Variants in UBE3C observed in about 807,000 individuals in gnomAD.
UBE3C encodes ubiquitin-protein ligase E3C.
In UBE3C, 42 loss-of-function variants were observed where a neutral mutation model predicts 129.4. The ratio of observed to expected loss-of-function variants is 0.32; its 90% CI spans 0.25 to 0.42. UBE3C has a LOEUF of 0.42. Ranked by LOEUF, UBE3C falls within the 10% of genes least tolerant of loss-of-function variation. The pLI, the probability that UBE3C is intolerant of heterozygous loss-of-function variation, is 1.00. For synonymous variants in UBE3C, 510 were observed against 492.4 expected (o/e 1.04, Z -0.47); for missense variants, 1,049 against 1,319.1 (o/e 0.80, Z 3.17).
At chr7:157,170,528 A>C (rs1409716319) in intron 4 of UBE3C, 78 bp downstream of exon 4, 2 of 1,386,850 alleles carry the variant, frequency 1.4e-6, no homozygotes, top group Non-Finnish European at 1.9e-6. Flanking sequence ...ATGGCTTCTC[A>C]TCAGAAAGTT....
intron 15 of UBE3C, chr7:157,220,991 C>T (rs935237840): frequency 2.0e-6 from 1 of 499,540 alleles, no homozygotes; most frequent in African/African-American, 1.9e-5. Flanking sequence ...TTTGTCCTGT[C>T]ACTTTGCCTT....
intron 22 of UBE3C, among the ~76,000 whole-genome samples, chr7:157,261,290 G>A (rs963179668): frequency 1.0e-5 from 1 of 97,846 alleles, no homozygotes; most frequent in African/African-American, 3.9e-5. Context: ...TGGGCAACAA[G>A]AGCAAAACTC....
chr7:157,227,851 G>A (rs900581073), intron 17 of UBE3C, among the ~76,000 whole-genome samples: 6 of 152,158 alleles, frequency 3.9e-5, no homozygotes, highest in Admixed American at 1.3e-4. Context: ...GCTAATAATT[G>A]CATTGAAGTT....
intron 18 of UBE3C, among the ~76,000 whole-genome samples, chr7:157,238,736 G>A (rs1247222022): frequency 1.3e-5 from 2 of 152,160 alleles, no homozygotes; most frequent in African/African-American, 2.4e-5. Flanking sequence ...ATCACCCAGG[G>A]TGTAGGTGTC....
chr7:157,259,270 T>C (rs1796835511), intron 22 of UBE3C, among the ~76,000 whole-genome samples: 2 of 152,236 alleles, frequency 1.3e-5, no homozygotes. Context: ...GCGTCCTTCA[T>C]AGAATCTGAT....
At chr7:157,255,051 G>T (rs1242029729) in intron 21 of UBE3C, among the ~76,000 whole-genome samples, 1 of 152,112 alleles carries the variant, frequency 6.6e-6, no homozygotes, top group African/African-American at 2.4e-5. Context: ...GACGGAGGTC[G>T]TGAGATCTCA....
chr7:157,187,725 C>T (rs374306130), intron 10 of UBE3C, among the ~76,000 whole-genome samples: 6 of 151,768 alleles, frequency 4.0e-5, no homozygotes, highest in Non-Finnish European at 8.8e-5. Flanking sequence ...TACAGGCGCC[C>T]GCCACCTCGC....
intron 1 of UBE3C, among the ~76,000 whole-genome samples, chr7:157,141,715 C>T (rs745534245): frequency 3.3e-5 from 5 of 152,316 alleles, no homozygotes; most frequent in East Asian, 1.9e-4. Context: ...GTCCTTCTGA[C>T]CTCCATTACT....
intron 17 of UBE3C, among the ~76,000 whole-genome samples, chr7:157,226,991 T>C (rs1412957685): frequency 1.3e-5 from 2 of 152,228 alleles, no homozygotes; most frequent in Non-Finnish European, 2.9e-5. Flanking sequence ...TCAATTCTAA[T>C]AGTTCTTACA....
chr7:157,181,485 C>A (rs546773477), intron 6 of UBE3C, 33 bp from the exon 7 acceptor site: 191 of 1,537,690 alleles, frequency 1.2e-4, no homozygotes, highest in Middle Eastern at 4.7e-4. Flanking sequence ...CAGGAAAAGG[C>A]ACTAAATTTT....
intron 17 of UBE3C, among the ~76,000 whole-genome samples, chr7:157,227,372 TCTTA>T (rs1018724831): frequency 8.5e-5 from 13 of 152,210 alleles, no homozygotes; most frequent in Middle Eastern, 3.4e-3. Flanking sequence ...AGAATGCGTT[TCTTA>T]CTTACCAGCA....
At chr7:157,173,478 A>G (rs1808435525) in intron 4 of UBE3C, among the ~76,000 whole-genome samples, 1 of 152,216 alleles carries the variant, frequency 6.6e-6, no homozygotes, top group South Asian at 2.1e-4. Flanking sequence ...AGTAAGCATA[A>G]TGCCACTTTT....
At chr7:157,181,410 CTT>C (rs1808661698) in intron 6 of UBE3C, 106 bp from the exon 7 acceptor site, 1 of 969,738 alleles carries the variant, frequency 1.0e-6, no homozygotes, top group Admixed American at 3.3e-5. Context: ...AAAGAACTAA[CTT>C]AAGTTTGGAC....
chr7:157,179,278 AG>A (rs1174815997), intron 6 of UBE3C, among the ~76,000 whole-genome samples: 1 of 152,056 alleles, frequency 6.6e-6, no homozygotes, highest in African/African-American at 2.4e-5. Flanking sequence ...CTTATGAAAA[AG>A]TAAATTTTGT....
At chr7:157,216,346 T>G (rs1485746891) in intron 13 of UBE3C, among the ~76,000 whole-genome samples, 2 of 146,426 alleles carry the variant, frequency 1.4e-5, no homozygotes, top group East Asian at 3.9e-4. Flanking sequence ...ATTTCCAGAT[T>G]CGTGGGTTTT....
intron 1 of UBE3C, among the ~76,000 whole-genome samples, chr7:157,151,871 G>T (rs1385181372): frequency 1.3e-5 from 2 of 152,148 alleles, no homozygotes; most frequent in Admixed American, 1.3e-4. Context: ...AGTGAAGTGA[G>T]AAGCAGGGGA....
intron 4 of UBE3C, among the ~76,000 whole-genome samples, chr7:157,172,683 C>G (rs946906026): frequency 3.3e-5 from 5 of 152,144 alleles, no homozygotes; most frequent in African/African-American, 1.2e-4. Flanking sequence ...CAGGCTCTTT[C>G]CAGGCTTGCT....
At chr7:157,237,053 T>C (rs1796171308) in intron 18 of UBE3C, among the ~76,000 whole-genome samples, 1 of 152,182 alleles carries the variant, frequency 6.6e-6, no homozygotes. Flanking sequence ...TATGTAAGTT[T>C]ATTTCTTCAG....
At chr7:157,158,945 C>T (rs1807992302) in intron 1 of UBE3C, among the ~76,000 whole-genome samples, 1 of 152,184 alleles carries the variant, frequency 6.6e-6, no homozygotes, top group Non-Finnish European at 1.5e-5. Context: ...AAAGTCTGCT[C>T]CCTTTTTGTA....
Sources: allele counts gnomAD v4.1 joint callset (sites outside exome capture counted in the v4.1 genomes callset), GRCh38; gene constraint gnomAD v4.1.1; transcripts MANE v1.5; gene names NCBI Gene and HGNC (gene_info 2026-07-23, HGNC 2026-07-21).